PRKACB: variants seen among roughly 807,000 people sequenced by gnomAD.
PRKACB encodes the protein protein kinase cAMP-activated catalytic subunit beta, also known as cAMP-dependent protein kinase catalytic subunit beta.
In PRKACB, 16 loss-of-function variants were observed where a neutral mutation model predicts 51.4. The ratio of observed to expected loss-of-function variants is 0.31; its 90% CI spans 0.21 to 0.47. The LOEUF (loss-of-function observed/expected upper bound fraction) is 0.47. Among genes scored for constraint, PRKACB ranks in the 20% least tolerant of loss-of-function variants. The pLI is 1.00. For missense variants in PRKACB, 309 were observed against 464.5 expected, an observed-to-expected ratio of 0.67 and a Z score of 3.08; for synonymous variants, 147 against 154.4, an observed-to-expected ratio of 0.95 and a Z score of 0.35.
At chr1:84,174,405 C>T (rs563118544) in intron 1 of PRKACB, among the ~76,000 whole-genome samples, 161 of 151,924 alleles carry the variant, frequency 1.1e-3, no homozygotes, top group Non-Finnish European at 2.1e-3. Context: ...TCTCACAGCA[C>T]CTTATAATTG....
rs202199631 is a variant in PRKACB at position 84,123,540 on chromosome 1, A to C, written c.46+45169A>C. ...CTTCTATATATTGCCATTTATTAAA[A>C]AAAAGAATTTGGGAAGGCTTAAAAC... is the stretch of plus-strand genomic sequence containing the variant. On this transcript the variant is annotated intron_variant, in intron 1 of 8. Transcript: ENST00000370688. 2.4e-4 allele frequency among the ~76,000 whole-genome samples: 36 copies of C among 152,300 alleles called. No individual in the cohort carries two copies. In the East Asian group the frequency reaches 5.4e-3, roughly 23 times the overall value.
intron 9 of PRKACB, among the ~76,000 whole-genome samples, chr1:84,214,724 A>G (rs1445345290): frequency 6.6e-6 from 1 of 152,012 alleles, no homozygotes; most frequent in Admixed American, 6.6e-5. Flanking sequence ...TGAACTCCTG[A>G]CCTCAAGTGA....
intron 1 of PRKACB, among the ~76,000 whole-genome samples, chr1:84,122,832 T>A (rs916453699): frequency 6.6e-6 from 1 of 152,204 alleles, no homozygotes. Context: ...TTGATTTGTA[T>A]AAATAAAATA....
rs1267201475 is a variant in PRKACB at position 84,197,739 on chromosome 1, T to G, written c.698T>G (p.Phe233Cys). 1 of 1,608,458 alleles carries G rather than the reference T, an allele frequency of 6.2e-7. No individual in the cohort carries two copies. The highest frequency in any genetic ancestry group is 8.5e-7 in the Non-Finnish European group (1 of 1,176,012). ...TTTTTTCTTTTATAGGTCACAGACT[T>G]TGGGTTTGCCAAAAGAGTTAAAGGC... ...DHQGYIQVTD[F>C]GFAKRVKGRT... is the part of the protein sequence containing the mutation. The change falls in exon 7 of 10, where the codon TTT becomes TGT. Residue 233 changes from phenylalanine (F) to cysteine (C), a missense_variant. By Grantham distance (205) the Phe-to-Cys change is radical. Coordinates refer to ENST00000370685, the MANE Select transcript of PRKACB (RefSeq NM_182948.4).
chr1:84,119,842 A>C (rs1650922818), intron 1 of PRKACB, among the ~76,000 whole-genome samples: 1 of 152,106 alleles, frequency 6.6e-6, no homozygotes, highest in Non-Finnish European at 1.5e-5. Flanking sequence ...GCAGCATATA[A>C]GTGTAGAAGG....
chr1:84,208,213 G>C (rs1425429236), intron 8 of PRKACB, among the ~76,000 whole-genome samples: 1 of 152,144 alleles, frequency 6.6e-6, no homozygotes, highest in Non-Finnish European at 1.5e-5. Context: ...CAACATGAAT[G>C]GATTTACTTT....
intron 7 of PRKACB, among the ~76,000 whole-genome samples, chr1:84,198,989 A>G (rs1214252031): frequency 1.3e-5 from 2 of 148,164 alleles, no homozygotes; most frequent in South Asian, 4.2e-4. Flanking sequence ...ATATGTATAT[A>G]TGTATATGTG....
At chr1:84,226,432 AC>A (rs910475169) in intron 9 of PRKACB, among the ~76,000 whole-genome samples, 4 of 151,518 alleles carry the variant, frequency 2.6e-5, no homozygotes, top group South Asian at 2.1e-4. Flanking sequence ...GTTTTAGAGA[AC>A]CCCCCTTCCT....
At chr1:84,198,077 G>C (rs992400684) in intron 7 of PRKACB, among the ~76,000 whole-genome samples, 1 of 151,900 alleles carries the variant, frequency 6.6e-6, no homozygotes, top group Non-Finnish European at 1.5e-5. Context: ...TCCATGTTTT[G>C]CAACCAAAAA....
intron 5 of PRKACB, among the ~76,000 whole-genome samples, chr1:84,192,739 C>T (rs1412841430): frequency 1.3e-5 from 2 of 152,074 alleles, no homozygotes; most frequent in Non-Finnish European, 2.9e-5. Context: ...GATTTTGTCA[C>T]CATGGTCTTT....
intron 1 of PRKACB, among the ~76,000 whole-genome samples, chr1:84,091,062 C>T (rs760143039): frequency 7.2e-5 from 11 of 152,174 alleles, no homozygotes; most frequent in Non-Finnish European, 2.9e-5. Flanking sequence ...ACCCTACTTT[C>T]TCTTTCCCTT....
chr1:84,187,936 T>C (rs1447724882), intron 5 of PRKACB, among the ~76,000 whole-genome samples: 1 of 152,112 alleles, frequency 6.6e-6, no homozygotes, highest in Non-Finnish European at 1.5e-5. Context: ...TCAGGCATTT[T>C]ATGCACTTTT....
rs922556200 is a variant in PRKACB at position 84,237,255 on chromosome 1, G to A, written c.*1950G>A. ...TCGTATAAAATATTTTAATTTTCTT[G>A]TATTTCATTTAGACCCAAGAACATG... On this transcript the variant is annotated 3_prime_UTR_variant, in exon 10 of 10. Coordinates refer to ENST00000370685, the MANE Select transcript of PRKACB (RefSeq NM_182948.4). The A allele has an allele frequency of 2.0e-5, 3 of 152,492 alleles. No individual in the cohort carries two copies. Among genetic ancestry groups the A allele is most frequent in the African/African-American group, 7.2e-5 (3 of 41,430 alleles). 9.4% of individuals were successfully genotyped at this position (152,492 alleles called of 1,614,324 possible). A position where few individuals can be genotyped will look rare whatever the true frequency, so the allele number is the denominator to read the frequency against.
intron 1 of PRKACB, among the ~76,000 whole-genome samples, chr1:84,132,554 A>G (rs557876807): frequency 5.6e-4 from 85 of 152,366 alleles, no homozygotes; most frequent in Non-Finnish European, 9.8e-4. Flanking sequence ...AACCAGACTC[A>G]GATGTTACAG....
intron 9 of PRKACB, among the ~76,000 whole-genome samples, chr1:84,226,592 C>T (rs1015428731): frequency 6.6e-6 from 1 of 152,018 alleles, no homozygotes; most frequent in Admixed American, 6.6e-5. Context: ...TTACTAAATT[C>T]TGTTATTGAT....
At chr1:84,122,006 A>G (rs1651123884) in intron 1 of PRKACB, among the ~76,000 whole-genome samples, 1 of 151,772 alleles carries the variant, frequency 6.6e-6, no homozygotes, top group African/African-American at 2.4e-5. Context: ...GAGTCCCCCC[A>G]AAACAGTCCC....
At chr1:84,164,449 T>C in intron 1 of PRKACB, 1 of 1,557,932 alleles carries the variant, frequency 6.4e-7, no homozygotes, top group Non-Finnish European at 8.7e-7. Flanking sequence ...AACAGCAATT[T>C]TTTCATATCT....
At chr1:84,180,260 C>G (rs1662958961) in intron 2 of PRKACB, among the ~76,000 whole-genome samples, 1 of 135,314 alleles carries the variant, frequency 7.4e-6, no homozygotes, top group Non-Finnish European at 1.6e-5. Context: ...AACACATTTG[C>G]AGTGACCTAG....
intron 1 of PRKACB, among the ~76,000 whole-genome samples, chr1:84,118,682 C>G (rs937249397): frequency 6.6e-6 from 1 of 151,998 alleles, no homozygotes; most frequent in Non-Finnish European, 1.5e-5. Flanking sequence ...AGCTCCCCAC[C>G]AAGGACACTG....
Sources: allele counts gnomAD v4.1 joint callset (sites outside exome capture counted in the v4.1 genomes callset), GRCh38; gene constraint gnomAD v4.1.1; transcripts MANE v1.5; gene names NCBI Gene and HGNC (gene_info 2026-07-23, HGNC 2026-07-21).